The following IGLL5 variants were observed in gnomAD, a reference collection of about 807,000 sequenced individuals.
IGLL5 encodes the protein immunoglobulin lambda like polypeptide 5, also known as immunoglobulin lambda-like polypeptide 5.
A neutral mutation model predicts 20.9 loss-of-function variants in IGLL5; 30 were observed. That is an observed-to-expected ratio of 1.44 (90% confidence interval 1.07 to 1.95). The LOEUF (loss-of-function observed/expected upper bound fraction) is 1.95. Among genes scored for constraint, IGLL5 ranks in the 30% most tolerant of loss-of-function variants. IGLL5 has a pLI of 0.00. For missense variants in IGLL5, 475 were observed against 270.7 expected (o/e 1.75, Z -5.30); for synonymous variants, 203 against 117.3 (o/e 1.73, Z -4.72).
chr22:22,888,841 T>A (rs536417171), intron 1 of IGLL5, among the ~76,000 whole-genome samples: 10 of 151,198 alleles, frequency 6.6e-5, no homozygotes, highest in East Asian at 4.1e-4. Flanking sequence ...CCACGGCCCA[T>A]GTTTGGAGCA....
intron 1 of IGLL5, 35 bp downstream of exon 1, chr22:22,888,294 C>G: frequency 6.5e-7 from 1 of 1,536,824 alleles, no homozygotes. Flanking sequence ...ATGTGGGGGT[C>G]CTGCAGCAGA....
chr22:22,896,066 C>T lies in IGLL5; in HGVS notation c.*372C>T. 1 of 406,648 alleles carries T rather than the reference C, an allele frequency of 2.5e-6. No individual in the cohort carries two copies. The highest frequency in any genetic ancestry group is 4.5e-6 in the Non-Finnish European group (1 of 221,160). The allele number at this position is 406,648 out of a possible 1,614,324, so 25.2% of individuals were successfully genotyped here. On this transcript the variant is annotated 3_prime_UTR_variant, in exon 3 of 3. Transcript: ENST00000526893. The stretch of plus-strand genomic sequence containing the variant: ...CATCAGTTCAGACCAGTCCCACACC[C>T]TCCTAAATTTTACTTCTCAATAAAT...
In IGLL5 at chr22:22,893,750, G is replaced by T. The variant is rs182236201; in HGVS notation, c.257G>T (p.Arg86Leu). 6.2e-7 allele frequency: 1 copy of T among 1,607,050 alleles called. No homozygotes were observed. The highest frequency in any genetic ancestry group is 8.5e-7 in the Non-Finnish European group (1 of 1,176,840). ...AGAGCAGACCCCAGGTGCTGGCCCC[G>T]GGGGTTTTGGTCTGAGCCTCAGTCA... ...PQRADPRCWP[R>L]GFWSEPQSLC... The change falls in exon 2 of 3, where the codon CGG (arginine) becomes CTG (leucine). Residue 86 changes from arginine to leucine, a missense_variant. Coordinates refer to ENST00000526893, the MANE Select transcript of IGLL5 (RefSeq NM_001178126.2).
intron 2 of IGLL5, among the ~76,000 whole-genome samples, 185 bp downstream of exon 2, chr22:22,894,003 T>A (rs548758825): frequency 1.3e-5 from 2 of 149,866 alleles, no homozygotes; most frequent in East Asian, 2.0e-4. Context: ...GCCTCCACAG[T>A]GGGAGCAGCC....
chr22:22,894,368 C>G (rs1451504272), intron 2 of IGLL5, among the ~76,000 whole-genome samples: 7 of 151,416 alleles, frequency 4.6e-5, no homozygotes, highest in South Asian at 2.1e-4. Context: ...TAGGCTGCAG[C>G]TCTGTGGCCT....
At chr22:22,894,820 T>C (rs538399238) in intron 2 of IGLL5, among the ~76,000 whole-genome samples, 1 of 151,220 alleles carries the variant, frequency 6.6e-6, no homozygotes, top group Admixed American at 6.6e-5. Context: ...TGGAGCCCAC[T>C]CCTTGCCAGG....
rs2067563375 is a variant in IGLL5 at position 22,888,123 on chromosome 22, TG to T, written c.72del (p.Trp24CysfsTer85). The T allele has an allele frequency of 6.5e-7, 1 of 1,549,684 alleles. No individual in the cohort carries two copies. The highest frequency in any genetic ancestry group is 1.4e-5 in the African/African-American group (1 of 72,962). On this transcript the variant is annotated frameshift_variant, in exon 1 of 3. Coordinates refer to ENST00000526893, the MANE Select transcript of IGLL5 (RefSeq NM_001178126.2). LOFTEE classifies it high-confidence loss of function. ...GCTGGGCCCTGGTCCCAGGCAGCGC[TG>T]GCCCCTGCTGCTGCTGGGTCTGGCC... ...EELGPGPRQR[W>X]PLLLLGLAMV...
intron 1 of IGLL5, among the ~76,000 whole-genome samples, chr22:22,893,014 T>C (rs2067895765): frequency 6.6e-6 from 1 of 150,886 alleles, no homozygotes; most frequent in Non-Finnish European, 1.5e-5. Flanking sequence ...CAGAGAGATT[T>C]GAGGGAGAGA....
intron 2 of IGLL5, among the ~76,000 whole-genome samples, chr22:22,894,699 A>G (rs2066684349): frequency 6.6e-6 from 1 of 151,350 alleles, no homozygotes; most frequent in East Asian, 2.0e-4. Flanking sequence ...GCTGAGTCTC[A>G]TAGTCTGTGG....
chr22:22,888,813 C>G (rs544954735), intron 1 of IGLL5, among the ~76,000 whole-genome samples: 4 of 151,424 alleles, frequency 2.6e-5, no homozygotes, highest in African/African-American at 7.3e-5. Flanking sequence ...GGGGAGCTGT[C>G]CAGTCATTGG....
At position 22,895,857 on chromosome 22, in the gene IGLL5, T is replaced by C. The variant is rs1601632514; in HGVS notation, c.*163T>C. On this transcript the variant is annotated 3_prime_UTR_variant, in exon 3 of 3. Transcript: ENST00000526893. ...AAATCTTGTTTTATCTCATTTTTTT[T>C]CTCACATAAATTGCTAGCCTCCCCG... The C allele has an allele frequency of 9.3e-6, 7 of 753,676 alleles. No homozygotes were observed. In the Admixed American group the frequency reaches 1.5e-4, roughly 16 times the overall value. The allele number at this position is 753,676 out of a possible 1,614,324, so 46.7% of individuals were successfully genotyped here.
intron 2 of IGLL5, among the ~76,000 whole-genome samples, chr22:22,894,204 T>C (rs2067998738): frequency 6.6e-6 from 1 of 151,262 alleles, no homozygotes; most frequent in Non-Finnish European, 1.5e-5. Flanking sequence ...TGGGAGCTGC[T>C]GAGTCTCATA....
In IGLL5 at chr22:22,888,255, G is replaced by A. The variant is rs1010257654; in HGVS notation, c.202G>A (p.Gly68Ser). Residue 68 changes from glycine (G) to serine (S), a missense_variant, in exon 1 of 3, where the codon GGC (glycine) becomes AGC (serine). By Grantham distance (56) the Gly-to-Ser change is moderately conservative. Coordinates refer to ENST00000526893, the MANE Select transcript of IGLL5 (RefSeq NM_001178126.2). ...SSRSSLRSLW[G>S]RLLLQPSPQR... Reference sequence around the variant, plus strand: ...CCGATCCAGCCTGCGGAGCCTGTGGGGCAGGTAAGGGGCAAGAGATTCCAG... The same window carrying A: ...CCGATCCAGCCTGCGGAGCCTGTGGAGCAGGTAAGGGGCAAGAGATTCCAG... 1.0e-5 allele frequency: 16 copies of A among 1,547,546 alleles called. No homozygotes were observed. Among genetic ancestry groups the A allele is most frequent in the East Asian group, 2.5e-5 (1 of 40,626 alleles).
rs1294531382 is a variant in IGLL5 at position 22,888,257 on chromosome 22, C to T, written c.204C>T (p.Gly68=). 3.2e-6 allele frequency: 5 copies of T among 1,547,336 alleles called. No individual in the cohort carries two copies. The highest frequency in any genetic ancestry group is 4.9e-5 in the East Asian group (2 of 40,614). ...SSRSSLRSLW[G]RLLLQPSPQR... ...GATCCAGCCTGCGGAGCCTGTGGGG[C>T]AGGTAAGGGGCAAGAGATTCCAGGG... The change falls in exon 1 of 3, where the codon GGC becomes GGT. Residue 68 remains glycine (G), a splice_region_variant and synonymous_variant. Transcript: ENST00000526893.
chr22:22,895,232 G>C (rs576634279), intron 2 of IGLL5, 143 bp from the exon 3 acceptor site: 1 of 758,898 alleles, frequency 1.3e-6, no homozygotes, highest in Non-Finnish European at 2.2e-6. Flanking sequence ...GAGTGGAAAG[G>C]ATGGGGAAAG....
intron 1 of IGLL5, 22 bp downstream of exon 1, chr22:22,888,281 G>C (rs779688535): frequency 6.5e-7 from 1 of 1,543,344 alleles, no homozygotes. Context: ...GAGATTCCAG[G>C]GGATGTGGGG....
At chr22:22,891,863 T>C (rs1339035538) in intron 1 of IGLL5, among the ~76,000 whole-genome samples, 1 of 151,276 alleles carries the variant, frequency 6.6e-6, no homozygotes, top group Non-Finnish European at 1.5e-5. Flanking sequence ...CCAGACACTT[T>C]AACTCTTGTA....
chr22:22,894,325 G>C (rs2068016705), intron 2 of IGLL5, among the ~76,000 whole-genome samples: 1 of 151,404 alleles, frequency 6.6e-6, no homozygotes, highest in Admixed American at 6.6e-5. Flanking sequence ...CCCAAGGGGA[G>C]ACCAATGGAG....
rs1343384174 is a variant in IGLL5 at position 22,888,081 on chromosome 22, T to A, written c.28T>A (p.Cys10Ser). 2 of 1,549,144 alleles carry A rather than the reference T, an allele frequency of 1.3e-6. No homozygotes were observed. The highest frequency in any genetic ancestry group is 2.0e-5 in the Admixed American group (1 of 50,796). ...GAGACCCAAGACAGGCCAAGTGGGT[T>A]GTGAGACCCCTGAGGAGCTGGGCCC... MRPKTGQVG[C>S]ETPEELGPGP... The change falls in exon 1 of 3, where the codon TGT becomes AGT. Residue 10 changes from cysteine (C) to serine (S), a missense_variant. Physicochemically the swap from Cys to Ser is moderately radical, Grantham distance 112 (BLOSUM62 -1). Coordinates refer to ENST00000526893, the MANE Select transcript of IGLL5 (RefSeq NM_001178126.2).
Sources: allele counts gnomAD v4.1 joint callset (sites outside exome capture counted in the v4.1 genomes callset), GRCh38; gene constraint gnomAD v4.1.1; transcripts MANE v1.5; gene names NCBI Gene and HGNC (gene_info 2026-07-23, HGNC 2026-07-21).